The following NRCAM variants were observed in gnomAD, a reference collection of about 807,000 sequenced individuals.
NRCAM encodes the protein NgCAM-related cell adhesion molecule.
In NRCAM, 83 loss-of-function variants were observed where a neutral mutation model predicts 156.5. The ratio of observed to expected loss-of-function variants is 0.53; its 90% CI spans 0.44 to 0.64. The LOEUF (loss-of-function observed/expected upper bound fraction) is 0.64. Among genes scored for constraint, NRCAM ranks in the 30% least tolerant of loss-of-function variants. NRCAM has a pLI of 0.00. For synonymous variants in NRCAM, 538 were observed against 563.9 expected, an observed-to-expected ratio of 0.95 and a Z score of 0.65; for missense variants, 1,417 against 1,597.3, an observed-to-expected ratio of 0.89 and a Z score of 1.92.
At chr7:108,417,817 G>C (rs562142352) in intron 1 of NRCAM, among the ~76,000 whole-genome samples, 1 of 151,948 alleles carries the variant, frequency 6.6e-6, no homozygotes, top group African/African-American at 2.4e-5. Flanking sequence ...TTAATACCTG[G>C]TTAAATACCA....
chr7:108,327,683 T>G (rs1175094995), intron 2 of NRCAM, among the ~76,000 whole-genome samples: 1 of 152,076 alleles, frequency 6.6e-6, no homozygotes, highest in Non-Finnish European at 1.5e-5. Context: ...AGCTAACACA[T>G]CCAATTATGA....
intron 2 of NRCAM, among the ~76,000 whole-genome samples, chr7:108,382,581 C>T (rs1455621926): frequency 1.3e-5 from 2 of 151,836 alleles, no homozygotes; most frequent in African/African-American, 2.4e-5. Flanking sequence ...TGCACTCCAG[C>T]CTAGGCAACA....
chr7:108,414,046 G>A (rs1798590580), intron 1 of NRCAM, among the ~76,000 whole-genome samples: 1 of 152,198 alleles, frequency 6.6e-6, no homozygotes, highest in Non-Finnish European at 1.5e-5. Context: ...TTCCAACGAA[G>A]CACCCTGCTG....
At chr7:108,368,397 C>G (rs1330300538) in intron 2 of NRCAM, among the ~76,000 whole-genome samples, 1 of 152,010 alleles carries the variant, frequency 6.6e-6, no homozygotes, top group Non-Finnish European at 1.5e-5. Flanking sequence ...ATCTGACTTG[C>G]TAAATACATA....
intron 3 of NRCAM, among the ~76,000 whole-genome samples, chr7:108,299,105 C>CAAAAAAAAAAAAAAAAAAAAA (rs1292917918): frequency 5.9e-5 from 1 of 16,964 alleles, no homozygotes; most frequent in Non-Finnish European, 1.2e-4. Context: ...GACTCCATCT[C>CAAAAAAAAAAAAAAAAAAAAA]AAAAAAAAAA....
At chr7:108,393,755 C>T (rs2099769002) in intron 2 of NRCAM, among the ~76,000 whole-genome samples, 1 of 152,162 alleles carries the variant, frequency 6.6e-6, no homozygotes, top group Admixed American at 6.5e-5. Context: ...ATAGTAAGTG[C>T]CTGGGCTAGA....
intron 3 of NRCAM, among the ~76,000 whole-genome samples, chr7:108,268,613 C>T (rs1252119006): frequency 7.5e-3 from 10 of 1,326 alleles, no homozygotes; most frequent in Admixed American, 0.04. Context: ...ATGAGCGGGG[C>T]GGGGGTGGGG....
chr7:108,154,213 T>C (rs1030097005), intron 32 of NRCAM, among the ~76,000 whole-genome samples: 1 of 152,186 alleles, frequency 6.6e-6, no homozygotes, highest in Non-Finnish European at 1.5e-5. Context: ...GGTGCAGAGA[T>C]AGACAGATTG....
intron 1 of NRCAM, among the ~76,000 whole-genome samples, chr7:108,425,714 T>C: frequency 6.6e-6 from 1 of 152,234 alleles, no homozygotes; most frequent in East Asian, 1.9e-4. Context: ...ACTATCATAT[T>C]GACCTGTCTG....
At chr7:108,188,476 T>C (rs182391438) in intron 20 of NRCAM, among the ~76,000 whole-genome samples, 1 of 152,102 alleles carries the variant, frequency 6.6e-6, no homozygotes, top group Non-Finnish European at 1.5e-5. Flanking sequence ...CTTATTTATA[T>C]CCTCATCTAA....
At chr7:108,159,423 G>A in intron 32 of NRCAM, 40 bp downstream of exon 32, 1 of 1,531,302 alleles carries the variant, frequency 6.5e-7, no homozygotes, top group Non-Finnish European at 9.1e-7. Context: ...CTGTGTTCAT[G>A]TGGGCAGAGA....
chr7:108,354,888 C>CT (rs2099474111), intron 2 of NRCAM, among the ~76,000 whole-genome samples: 1 of 150,974 alleles, frequency 6.6e-6, no homozygotes. Flanking sequence ...GAGCGAAACT[C>CT]TGTCTCAAAA....
At chr7:108,277,673 G>A (rs1014651419) in intron 3 of NRCAM, among the ~76,000 whole-genome samples, 2 of 151,948 alleles carry the variant, frequency 1.3e-5, no homozygotes, top group Non-Finnish European at 2.9e-5. Flanking sequence ...CTTTGTGATG[G>A]GTTAGAACAT....
chr7:108,421,321 C>T (rs1379179773), intron 1 of NRCAM, among the ~76,000 whole-genome samples: 2 of 152,186 alleles, frequency 1.3e-5, no homozygotes, highest in African/African-American at 2.4e-5. Context: ...TCATCTTTGA[C>T]TAGTCATGCT....
At chr7:108,393,059 T>C (rs1434395108) in intron 2 of NRCAM, among the ~76,000 whole-genome samples, 1 of 152,096 alleles carries the variant, frequency 6.6e-6, no homozygotes, top group Non-Finnish European at 1.5e-5. Context: ...GATCTCAAAC[T>C]CTGTGCTGGG....
At chr7:108,295,654 GA>G (rs2098439390) in intron 3 of NRCAM, among the ~76,000 whole-genome samples, 2 of 152,182 alleles carry the variant, frequency 1.3e-5, no homozygotes, top group African/African-American at 4.8e-5. Flanking sequence ...ATTTTGGGGG[GA>G]CACAAACATT....
chr7:108,171,238 C>T (rs991638216), intron 28 of NRCAM, among the ~76,000 whole-genome samples: 4 of 151,766 alleles, frequency 2.6e-5, no homozygotes, highest in African/African-American at 7.2e-5. Context: ...CTGTAGATAC[C>T]GCCAGTGTAG....
At chr7:108,187,137 C>T (rs1217588691) in intron 20 of NRCAM, among the ~76,000 whole-genome samples, 1 of 152,194 alleles carries the variant, frequency 6.6e-6, no homozygotes, top group Non-Finnish European at 1.5e-5. Flanking sequence ...TGCTTCCCCT[C>T]TTGTTCTTCT....
chr7:108,283,849 T>C (rs1459014349), intron 3 of NRCAM, among the ~76,000 whole-genome samples: 2 of 152,102 alleles, frequency 1.3e-5, no homozygotes, highest in Non-Finnish European at 2.9e-5. Flanking sequence ...AAATTCTTGT[T>C]TTGTTTTGTT....
Sources: allele counts gnomAD v4.1 joint callset (sites outside exome capture counted in the v4.1 genomes callset), GRCh38; gene constraint gnomAD v4.1.1; transcripts MANE v1.5; gene names NCBI Gene and HGNC (gene_info 2026-07-23, HGNC 2026-07-21).